The following HDAC9 variants were observed in gnomAD, a reference collection of about 807,000 sequenced individuals.
HDAC9 encodes histone deacetylase 9, also known as MEF-2 interacting transcription repressor (MITR) protein.
In HDAC9, 41 loss-of-function variants were observed where a neutral mutation model predicts 139.4. That is an observed-to-expected ratio of 0.29 (90% CI 0.23 to 0.38). The LOEUF (loss-of-function observed/expected upper bound fraction) is 0.38, where lower values mean the gene tolerates loss of function less well. Ranked by LOEUF, HDAC9 falls within the 10% of genes least tolerant of loss-of-function variation. The probability of loss-of-function intolerance (pLI) is 1.00; values close to 1 mark genes in which losing one functional copy is unlikely to be tolerated. For missense variants in HDAC9, 1,147 were observed against 1,297.0 expected (o/e 0.88, Z 1.78); for synonymous variants, 517 against 476.2 (o/e 1.09, Z -1.12).
intron 2 of HDAC9, among the ~76,000 whole-genome samples, chr7:18,532,964 G>A (rs978477686): frequency 1.3e-5 from 2 of 152,116 alleles, no homozygotes; most frequent in Non-Finnish European, 2.9e-5. Flanking sequence ...ACCCACAGGA[G>A]TGTGCTTGTG....
intron 8 of HDAC9, among the ~76,000 whole-genome samples, chr7:18,641,317 C>G (rs1289531584): frequency 3.9e-5 from 6 of 151,938 alleles, no homozygotes; most frequent in African/African-American, 1.2e-4. Flanking sequence ...CCACCCCTAC[C>G]CCAGCACTTG....
At chr7:18,870,398 T>C (rs149629119) in intron 21 of HDAC9, among the ~76,000 whole-genome samples, 1 of 152,170 alleles carries the variant, frequency 6.6e-6, no homozygotes, top group African/African-American at 2.4e-5. Context: ...TAAATTTGTT[T>C]AATATTTCCT....
At chr7:18,990,520 C>A (rs1004653872) in intron 25 of HDAC9, among the ~76,000 whole-genome samples, 1 of 152,216 alleles carries the variant, frequency 6.6e-6, no homozygotes, top group East Asian at 1.9e-4. Flanking sequence ...TGCCCTGCCC[C>A]CAGAGGTGGA....
At chr7:18,734,959 G>C (rs1392723056) in intron 13 of HDAC9, among the ~76,000 whole-genome samples, 1 of 152,172 alleles carries the variant, frequency 6.6e-6, no homozygotes, top group Non-Finnish European at 1.5e-5. Context: ...TCTCATTGTG[G>C]TTTTGATTTG....
At chr7:18,627,352 C>T (rs1202784813) in intron 6 of HDAC9, among the ~76,000 whole-genome samples, 1 of 152,106 alleles carries the variant, frequency 6.6e-6, no homozygotes, top group East Asian at 1.9e-4. Flanking sequence ...TCTATGATTT[C>T]CTATGGTTAT....
chr7:18,716,488 T>C (rs997023828), intron 12 of HDAC9, among the ~76,000 whole-genome samples: 1 of 152,192 alleles, frequency 6.6e-6, no homozygotes, highest in Admixed American at 6.5e-5. Flanking sequence ...AAGTGGTCAT[T>C]TTCCAAGAAT....
chr7:18,547,190 T>A (rs903283799), intron 2 of HDAC9, among the ~76,000 whole-genome samples: 17 of 152,372 alleles, frequency 1.1e-4, no homozygotes, highest in African/African-American at 4.1e-4. Flanking sequence ...CGATGGCTGC[T>A]GACCAATCAG....
rs116921559 is a variant in HDAC9 at position 18,196,548 on chromosome 7, A to G, written c.25+34199A>G. ...TGCCAAACTATAATGGAAGTTCTGA[A>G]TTATGAGATGATGGAAGAAAAAGGT... On this transcript the variant is annotated intron_variant, in intron 2 of 12. Coordinates refer to the HDAC9 transcript ENST00000417496. 7.7e-4 allele frequency among the ~76,000 whole-genome samples: 117 copies of G among 152,332 alleles called. No homozygotes were observed. The East Asian group carries it at 0.014, about 18-fold the overall frequency.
At chr7:18,674,679 A>T (rs1781389286) in intron 12 of HDAC9, among the ~76,000 whole-genome samples, 1 of 152,004 alleles carries the variant, frequency 6.6e-6, no homozygotes, top group South Asian at 2.1e-4. Context: ...AAATGGTTAA[A>T]GGCATTTTCT....
chr7:18,613,874 A>C (rs1309823146), intron 6 of HDAC9, among the ~76,000 whole-genome samples: 3 of 152,028 alleles, frequency 2.0e-5, no homozygotes, highest in Admixed American at 6.6e-5. Flanking sequence ...CATGCTCCTT[A>C]AAATTTTAAC....
At chr7:18,584,772 G>C (rs1474236340) in intron 2 of HDAC9, among the ~76,000 whole-genome samples, 5 of 152,082 alleles carry the variant, frequency 3.3e-5, no homozygotes, top group African/African-American at 1.2e-4. Flanking sequence ...TCTGTCTTTG[G>C]TACATCCAAT....
chr7:18,263,523 T>C (rs1277237278), intron 2 of HDAC9, among the ~76,000 whole-genome samples: 1 of 152,182 alleles, frequency 6.6e-6, no homozygotes, highest in Non-Finnish European at 1.5e-5. Flanking sequence ...CTCATATGCC[T>C]TACCTCCATA....
intron 2 of HDAC9, among the ~76,000 whole-genome samples, chr7:18,539,609 G>C (rs1218043529): frequency 6.6e-6 from 1 of 152,116 alleles, no homozygotes; most frequent in Non-Finnish European, 1.5e-5. Flanking sequence ...AAGGTATATG[G>C]GAACTTATAC....
rs756899575 is a variant in HDAC9 at position 18,767,123 on chromosome 7, T to A, written c.2182T>A (p.Phe728Ile). Reference sequence around the variant, plus strand: ...CTGTATAGGTGATGACTCTCAAAAGTTTTTTTCCTCATTACCTTGTGGTGG... The same window carrying A: ...CTGTATAGGTGATGACTCTCAAAAGATTTTTTCCTCATTACCTTGTGGTGG... ...RILLGDDSQK[F>I]FSSLPCGGLG... Residue 728 changes from phenylalanine (F) to isoleucine (I), a missense_variant, in exon 16 of 26, where the codon TTT becomes ATT. Phe to Ile is a conservative substitution (Grantham distance 21, BLOSUM62 0). This residue lies in a region of HDAC9 where 407 missense variants were observed against 521.5 expected (regional missense o/e 0.78). Coordinates refer to ENST00000686413, the MANE Select transcript of HDAC9 (RefSeq NM_178425.4). The A allele has an allele frequency of 1.9e-6, 3 of 1,574,336 alleles. No individual in the cohort carries two copies. In the East Asian group the frequency reaches 6.9e-5, roughly 36 times the overall value.
chr7:18,358,255 T>C (rs1273962868), intron 1 of HDAC9, among the ~76,000 whole-genome samples: 1 of 152,228 alleles, frequency 6.6e-6, no homozygotes, highest in Non-Finnish European at 1.5e-5. Context: ...ACAAAAATGC[T>C]CTTGCAACTG....
intron 21 of HDAC9, among the ~76,000 whole-genome samples, chr7:18,839,103 C>G (rs565578371): frequency 1.3e-4 from 20 of 152,074 alleles, no homozygotes; most frequent in African/African-American, 4.8e-4. Flanking sequence ...AGATTCTTCA[C>G]GAGAATTCTT....
chr7:18,336,506 C>A (rs946035991), intron 1 of HDAC9, among the ~76,000 whole-genome samples: 1 of 151,588 alleles, frequency 6.6e-6, no homozygotes, highest in Non-Finnish European at 1.5e-5. Context: ...ATGTACTTTT[C>A]ACTATGAATA....
chr7:18,207,258 A>G (rs1791592135), intron 2 of HDAC9, among the ~76,000 whole-genome samples: 1 of 152,094 alleles, frequency 6.6e-6, no homozygotes, highest in Non-Finnish European at 1.5e-5. Flanking sequence ...AATATCTTAT[A>G]AGAACATGTT....
At chr7:18,496,484 C>T (rs1796980818) in intron 2 of HDAC9, 160 bp downstream of exon 2, 1 of 617,898 alleles carries the variant, frequency 1.6e-6, no homozygotes, top group Admixed American at 3.0e-5. Context: ...AGATCCCTTC[C>T]ATTACTGTTT....
Sources: allele counts gnomAD v4.1 joint callset (sites outside exome capture counted in the v4.1 genomes callset), GRCh38; gene constraint gnomAD v4.1.1; regional missense constraint gnomAD v4.1.1; transcripts MANE v1.5; gene names NCBI Gene and HGNC (gene_info 2026-07-23, HGNC 2026-07-21).